Variants in ESRRG observed in about 807,000 individuals in gnomAD.
ESRRG encodes estrogen related receptor gamma.
A neutral mutation model predicts 44.0 loss-of-function variants in ESRRG; 13 were observed. The ratio of observed to expected loss-of-function variants is 0.30; its 90% CI spans 0.19 to 0.47. The LOEUF is 0.47. Ranked by LOEUF, ESRRG falls within the 20% of genes least tolerant of loss-of-function variation. The pLI is 1.00. For synonymous variants in ESRRG, 215 were observed against 214.6 expected (o/e 1.00, Z -0.02); for missense variants, 395 against 580.6 (o/e 0.68, Z 3.29).
chr1:216,782,045 T>C (rs1442659432), intron 2 of ESRRG, among the ~76,000 whole-genome samples: 1 of 152,050 alleles, frequency 6.6e-6, no homozygotes, highest in Non-Finnish European at 1.5e-5. Context: ...AAGCTAGGCC[T>C]CCCTTTCCAA....
At chr1:216,532,716 T>A (rs1181674361) in intron 5 of ESRRG, among the ~76,000 whole-genome samples, 1 of 152,172 alleles carries the variant, frequency 6.6e-6, no homozygotes, top group Non-Finnish European at 1.5e-5. Flanking sequence ...TTGAAGCACA[T>A]AATCCTTTCC....
intron 2 of ESRRG, among the ~76,000 whole-genome samples, chr1:216,890,023 G>A (rs1479215833): frequency 6.6e-6 from 1 of 152,140 alleles, no homozygotes; most frequent in Non-Finnish European, 1.5e-5. Flanking sequence ...TCAGCACTTT[G>A]TGAGGCTGAG....
rs11572688 is a variant in ESRRG, at chr1:216,679,082, G to A, written c.57-1591C>T. Among the ~76,000 whole-genome samples the A allele has an allele frequency of 2.5e-3, 376 of 152,322 alleles. 2 individuals are homozygous for A. The highest frequency in any genetic ancestry group is 8.0e-3 in the African/African-American group (331 of 41,576). ...ATTTCACTTTGAGAAATCTTGCACA[G>A]CTTTCTGAAGTCAAGCAGTATCAGG... On this transcript the variant is annotated intron_variant, in intron 1 of 6. Transcript: ENST00000408911.
At chr1:217,120,553 A>G (rs1477893190) in intron 1 of ESRRG, among the ~76,000 whole-genome samples, 1 of 151,744 alleles carries the variant, frequency 6.6e-6, no homozygotes, top group Non-Finnish European at 1.5e-5. Context: ...TCTCCTTAAC[A>G]TGACTTATGA....
Position 216,839,726 on chromosome 1 carries a change from A to G in ESRRG, c.-14+99856T>C, listed in dbSNP as rs544134491. Among the ~76,000 whole-genome samples, 10 of 81,432 alleles carry G rather than the reference A, an allele frequency of 1.2e-4. No homozygotes were observed. In the East Asian group the frequency reaches 2.5e-3, roughly 20 times the overall value. The allele number at this position is 81,432 out of a possible 152,430, so 53.4% of individuals were successfully genotyped here. On this transcript the variant is annotated intron_variant, in intron 2 of 7. Transcript: ENST00000359162. ...TCATGTATTTTTCATTCATCTATTG[A>G]ACAGATGAATGAAACCTTCATCTCC...
intron 3 of ESRRG, among the ~76,000 whole-genome samples, chr1:216,584,260 A>ATTT (rs34841184): frequency 6.9e-6 from 1 of 144,150 alleles, no homozygotes. Context: ...AAAACTTACA[A>ATTT]TTTTTTTTTT....
intron 2 of ESRRG, among the ~76,000 whole-genome samples, chr1:216,667,039 A>T (rs996867708): frequency 3.9e-5 from 6 of 152,176 alleles, no homozygotes; most frequent in Non-Finnish European, 8.8e-5. Context: ...CAGACGGGTC[A>T]GGATAGGGGA....
At chr1:216,937,626 T>C (rs1031931400) in intron 2 of ESRRG, among the ~76,000 whole-genome samples, 1 of 152,102 alleles carries the variant, frequency 6.6e-6, no homozygotes, top group Non-Finnish European at 1.5e-5. Context: ...AATTTGAATT[T>C]CAAAAATGGA....
chr1:217,026,075 G>A (rs2081134224), intron 1 of ESRRG, among the ~76,000 whole-genome samples: 1 of 152,140 alleles, frequency 6.6e-6, no homozygotes, highest in South Asian at 2.1e-4. Flanking sequence ...CCCGTGCATG[G>A]TGACTTAACA....
At chr1:216,621,256 G>GT (rs1227120791) in intron 3 of ESRRG, among the ~76,000 whole-genome samples, 1 of 152,084 alleles carries the variant, frequency 6.6e-6, no homozygotes, top group African/African-American at 2.4e-5. Flanking sequence ...TTTTCTTCAT[G>GT]TTTTATTGGA....
chr1:216,925,394 G>T (rs942977533), intron 2 of ESRRG, among the ~76,000 whole-genome samples: 1 of 151,972 alleles, frequency 6.6e-6, no homozygotes, highest in African/African-American at 2.4e-5. Flanking sequence ...CTGAGATCAC[G>T]CCACCACACT....
At chr1:216,930,958 G>A (rs937620398) in intron 2 of ESRRG, among the ~76,000 whole-genome samples, 2 of 152,326 alleles carry the variant, frequency 1.3e-5, no homozygotes, top group African/African-American at 4.8e-5. Flanking sequence ...ATAATGCTGT[G>A]GAGAGCTTAA....
rs561850176 is a variant in ESRRG, at chr1:216,732,124, A to T, written c.-13-54633T>A. Among the ~76,000 whole-genome samples, 736 of 111,768 alleles carry T rather than the reference A, an allele frequency of 6.6e-3. 8 individuals carry two copies. Among genetic ancestry groups the T allele is most frequent in the African/African-American group, 0.023 (705 of 30,042 alleles). 73.3% of individuals were successfully genotyped at this position (111,768 alleles called of 152,430 possible). ...AAAATAAAAAATAAAAAAAGAAAAT[A>T]AAAAAAAGAAAGGTTTTGTCAACAT... On this transcript the variant is annotated intron_variant, in intron 2 of 7. Coordinates refer to the ESRRG transcript ENST00000359162.
chr1:216,983,940 C>G (rs986423457), intron 1 of ESRRG, among the ~76,000 whole-genome samples: 2 of 151,598 alleles, frequency 1.3e-5, no homozygotes, highest in Non-Finnish European at 2.9e-5. Context: ...TCCTTATAAC[C>G]TGCAATCCTT....
At chr1:216,606,687 A>C (rs1410141275) in intron 3 of ESRRG, among the ~76,000 whole-genome samples, 1 of 152,202 alleles carries the variant, frequency 6.6e-6, no homozygotes, top group East Asian at 1.9e-4. Flanking sequence ...AGGAACAAAA[A>C]TCAGTCACTT....
At chr1:217,002,250 C>T (rs550007397) in intron 1 of ESRRG, among the ~76,000 whole-genome samples, 1 of 145,424 alleles carries the variant, frequency 6.9e-6, no homozygotes, top group African/African-American at 2.5e-5. Flanking sequence ...GGCAGTGAGC[C>T]GAGATAGTGC....
intron 3 of ESRRG, among the ~76,000 whole-genome samples, chr1:216,620,375 C>A (rs6661678): frequency 0.011 from 1,652 of 152,306 alleles, 32 homozygotes; most frequent in East Asian, 0.06. Flanking sequence ...CCGTCCACCA[C>A]CACAGGACCA....
At chr1:217,128,291 G>A (rs1429032872) in intron 1 of ESRRG, among the ~76,000 whole-genome samples, 1 of 152,238 alleles carries the variant, frequency 6.6e-6, no homozygotes, top group East Asian at 1.9e-4. Flanking sequence ...AAAACAATAA[G>A]CAAAGCCTTT....
intron 5 of ESRRG, among the ~76,000 whole-genome samples, chr1:216,559,160 G>T (rs556967679): frequency 6.6e-6 from 1 of 151,934 alleles, no homozygotes; most frequent in Non-Finnish European, 1.5e-5. Context: ...GTGATCCACC[G>T]CACCCATTCC....
Sources: gnomAD v4.1 joint callset for allele counts (sites outside exome capture counted in the v4.1 genomes callset) on GRCh38, gnomAD v4.1.1 for gene constraint, MANE v1.5 for transcripts, NCBI Gene and HGNC (gene_info 2026-07-23, HGNC 2026-07-21) for gene names.